The following MCCC1 variants were observed in gnomAD, a reference collection of about 807,000 sequenced individuals.
MCCC1 encodes methylcrotonyl-CoA carboxylase subunit 1.
In MCCC1, 64 loss-of-function variants were observed where a neutral mutation model predicts 83.8. The ratio of observed to expected loss-of-function variants is 0.76; its 90% confidence interval spans 0.62 to 0.94. The LOEUF (loss-of-function observed/expected upper bound fraction) is 0.94, where lower values mean the gene tolerates loss of function less well. Ranked by LOEUF, MCCC1 falls within the 40% of genes least tolerant of loss-of-function variation. MCCC1 has a pLI of 0.00. For synonymous variants in MCCC1, 322 were observed against 315.4 expected (o/e 1.02, Z -0.22); for missense variants, 807 against 904.7 (o/e 0.89, Z 1.39).
chr3:183,053,868 C>T (rs1304096091), intron 8 of MCCC1, among the ~76,000 whole-genome samples: 2 of 145,774 alleles, frequency 1.4e-5, no homozygotes, highest in African/African-American at 5.0e-5. Context: ...AGAATTAAGG[C>T]TATAAAGAAT....
chr3:183,068,798 ATACT>A (rs1364156584), intron 7 of MCCC1, among the ~76,000 whole-genome samples: 18 of 152,222 alleles, frequency 1.2e-4, no homozygotes, highest in Admixed American at 9.2e-4. Context: ...AGATACACAA[ATACT>A]TACCATTGTG....
At chr3:183,065,825 C>T (rs935189357) in intron 7 of MCCC1, among the ~76,000 whole-genome samples, 1 of 152,202 alleles carries the variant, frequency 6.6e-6, no homozygotes, top group Non-Finnish European at 1.5e-5. Context: ...AAAAGCACAA[C>T]AGGTTCTTCT....
intron 16 of MCCC1, 28 bp downstream of exon 16, chr3:183,022,389 G>A: frequency 6.2e-7 from 1 of 1,612,604 alleles, no homozygotes; most frequent in East Asian, 2.2e-5. Context: ...CATGCCCCAG[G>A]AGGGATATTA....
chr3:183,069,195 T>C (rs1481848648), intron 7 of MCCC1, among the ~76,000 whole-genome samples: 2 of 152,184 alleles, frequency 1.3e-5, no homozygotes, highest in Non-Finnish European at 2.9e-5. Flanking sequence ...AAAATGTATA[T>C]ACTACCAGGT....
intron 16 of MCCC1, 42 bp from the exon 17 acceptor site, chr3:183,020,279 T>A (rs1019362628): frequency 2.8e-6 from 4 of 1,451,778 alleles, no homozygotes; most frequent in African/African-American, 1.4e-5. Context: ...CAACATCCTA[T>A]CACTATATTT....
chr3:183,100,877 G>A (rs1334311153), upstream of MCCC1, among the ~76,000 whole-genome samples: 7 of 152,368 alleles, frequency 4.6e-5, no homozygotes, highest in African/African-American at 1.7e-4. Context: ...CACTCCCTCA[G>A]CTTGCAGGGA....
chr3:183,040,641 TAA>T (rs1560223215), intron 11 of MCCC1, among the ~76,000 whole-genome samples: 7 of 151,772 alleles, frequency 4.6e-5, no homozygotes, highest in Admixed American at 3.9e-4. Flanking sequence ...GAGAACTGCT[TAA>T]GTCAGGGAGA....
At position 183,025,820 on chromosome 3, in the gene MCCC1, GA is replaced by G; in HGVS notation, c.1682-17del. The G allele has an allele frequency of 6.2e-7, 1 of 1,605,096 alleles. No individual in the cohort carries two copies. Reference sequence around the variant, plus strand: ...ATGGCTACATCTTTATGGAAAAAGGGAAAAAATGAAGAAAAATTAGAAGACA... The same window carrying G: ...ATGGCTACATCTTTATGGAAAAAGGGAAAAATGAAGAAAAATTAGAAGACA... On this transcript the variant is annotated splice_polypyrimidine_tract_variant and intron_variant, in intron 14 of 18. Coordinates refer to ENST00000265594, the MANE Select transcript of MCCC1 (RefSeq NM_020166.5).
At chr3:183,034,939 G>A (rs1210063383) in intron 13 of MCCC1, among the ~76,000 whole-genome samples, 1 of 151,994 alleles carries the variant, frequency 6.6e-6, no homozygotes, top group Non-Finnish European at 1.5e-5. Flanking sequence ...CACCACAGCT[G>A]GCTAACTTTT....
rs995086046 is a variant in MCCC1, at chr3:183,052,009, A to G, written c.955+150T>C. On this transcript the variant is annotated intron_variant, in intron 9 of 18. Transcript: ENST00000265594. ...TAAAAATAAACATTTATGTGTACAT[A>G]CTAAGTCTCAATATAAAATGTATTT... 7.1e-6 allele frequency: 5 copies of G among 703,150 alleles called. No homozygotes were observed. The African/African-American group carries it at 8.9e-5, about 13-fold the overall frequency. The allele number at this position is 703,150 out of a possible 1,614,324, so 43.6% of individuals were successfully genotyped here. A position where few individuals can be genotyped will look rare whatever the true frequency, so the allele number is the denominator to read the frequency against.
chr3:183,085,318 T>A lies in MCCC1; in HGVS notation c.369+1375A>T, dbSNP rs555425990. On this transcript the variant is annotated intron_variant, in intron 4 of 18. Transcript: ENST00000265594. ...AGCAGATGGCTTTACTCCCCAGCTT[T>A]AAAAAACCTCCCAATGGCTACTCAG... Among the ~76,000 whole-genome samples the A allele has an allele frequency of 2.6e-5, 4 of 152,032 alleles. No homozygotes were observed. In the South Asian group the frequency reaches 8.3e-4, roughly 32 times the overall value.
At chr3:183,050,140 G>A (rs1360823993) in intron 9 of MCCC1, among the ~76,000 whole-genome samples, 2 of 151,956 alleles carry the variant, frequency 1.3e-5, no homozygotes, top group Admixed American at 1.3e-4. Context: ...ATCCCTTGGG[G>A]CCAAGAGTCT....
rs1003808452 is a variant in MCCC1, at chr3:183,064,579, C to T, written c.761+6420G>A. On this transcript the variant is annotated intron_variant, in intron 7 of 18. Coordinates refer to ENST00000265594, the MANE Select transcript of MCCC1 (RefSeq NM_020166.5). The surrounding 1 kb of genome is among the most constrained non-coding windows in gnomAD (Gnocchi z 4.5). ...GCCAGGCGCACAAGTGCAGCACCAG[C>T]GGGCTGCACGCCAGCTCCCCGGTTC... is the stretch of plus-strand genomic sequence containing the variant. Among the ~76,000 whole-genome samples, 5 of 152,264 alleles carry T rather than the reference C, an allele frequency of 3.3e-5. No homozygotes were observed. Among genetic ancestry groups the T allele is most frequent in the African/African-American group, 1.2e-4 (5 of 41,568 alleles).
In MCCC1 at chr3:183,086,874, T is replaced by C; in HGVS notation, c.274-86A>G. 5.7e-6 allele frequency: 7 copies of C among 1,229,616 alleles called. No individual in the cohort carries two copies. In the South Asian group the frequency reaches 9.0e-5, roughly 16 times the overall value. 76.2% of individuals were successfully genotyped at this position (1,229,616 alleles called of 1,614,324 possible). A position where few individuals can be genotyped will look rare whatever the true frequency, so the allele number is the denominator to read the frequency against. ...ACAGAACTGCTTCAGGGTCATTTTA[T>C]TATTGTAAATAAAAATGCCACTCCC... On this transcript the variant is annotated intron_variant, in intron 3 of 18. Coordinates refer to ENST00000265594, the MANE Select transcript of MCCC1 (RefSeq NM_020166.5).
At chr3:183,071,753 G>A (rs1176059508) in intron 5 of MCCC1, among the ~76,000 whole-genome samples, 1 of 150,924 alleles carries the variant, frequency 6.6e-6, no homozygotes, top group African/African-American at 2.4e-5. Flanking sequence ...CCATGCCAGA[G>A]TGCAGTGGTG....
At chr3:183,063,932 C>T (rs914711857) in intron 7 of MCCC1, among the ~76,000 whole-genome samples, 8 of 152,120 alleles carry the variant, frequency 5.3e-5, no homozygotes, top group African/African-American at 1.9e-4. Context: ...ACAGGCCCAA[C>T]TTGGTGGAGT....
rs930851265 is a variant in MCCC1 at position 183,064,722 on chromosome 3, G to A, written c.761+6277C>T. Among the ~76,000 whole-genome samples the A allele has an allele frequency of 6.6e-6, 1 of 152,230 alleles. No homozygotes were observed. Among genetic ancestry groups the A allele is most frequent in the East Asian group, 1.9e-4 (1 of 5,198 alleles). On this transcript the variant is annotated intron_variant, in intron 7 of 18. Transcript: ENST00000265594. This position sits in a 1 kb window ranked among gnomAD's most constrained non-coding sequence, Gnocchi z 4.5. ...GCTGGGCCCACGGCAGGCTGTTCGCGGGCAGCCGGCTCCGTGGACAGCAGG... is the reference window on the plus strand; with the variant it reads ...GCTGGGCCCACGGCAGGCTGTTCGCAGGCAGCCGGCTCCGTGGACAGCAGG...
intron 4 of MCCC1, among the ~76,000 whole-genome samples, chr3:183,084,532 T>A (rs1008555929): frequency 1.3e-5 from 2 of 152,228 alleles, no homozygotes; most frequent in African/African-American, 4.8e-5. Flanking sequence ...ATATTTTAAA[T>A]ATGCATTTGT....
Position 183,037,405 on chromosome 3 carries a change from G to A in MCCC1, c.1407C>T (p.Phe469=). 1 of 1,614,170 alleles carries A rather than the reference G, an allele frequency of 6.2e-7. No homozygotes were observed. The highest frequency in any genetic ancestry group is 8.5e-7 in the Non-Finnish European group (1 of 1,180,026). Residue 469 remains phenylalanine, a synonymous_variant, in exon 13 of 19, where the codon TTC becomes TTT. Transcript: ENST00000265594. ...NIVGLHTNID[F]LLNLSGHPEF... ...CTGGGTGGCCAGACAGGTTGAGTAA[G>A]AAGTCAATGTTGGTGTGCAGTCCAA...
Sources: allele counts gnomAD v4.1 joint callset (sites outside exome capture counted in the v4.1 genomes callset), GRCh38; gene constraint gnomAD v4.1.1; non-coding constraint Gnocchi (gnomAD v3.1); transcripts MANE v1.5; gene names NCBI Gene and HGNC (gene_info 2026-07-23, HGNC 2026-07-21).